MKX: variants seen among roughly 807,000 people sequenced by gnomAD.
MKX encodes homeobox protein Mohawk.
MKX carries 13 observed loss-of-function variants against 36.0 expected under a neutral mutation model. The ratio of observed to expected loss-of-function variants is 0.36; its 90% CI spans 0.24 to 0.57. The LOEUF is 0.57. MKX is among the 20% of genes least tolerant of loss of function. The probability of loss-of-function intolerance (pLI) is 0.79; values close to 1 mark genes in which losing one functional copy is unlikely to be tolerated. For synonymous variants in MKX, 176 were observed against 178.3 expected (o/e 0.99, Z 0.10); for missense variants, 458 against 456.4 (o/e 1.00, Z -0.03).
intron 5 of MKX, among the ~76,000 whole-genome samples, chr10:27,719,950 C>T (rs1039711759): frequency 6.9e-6 from 1 of 144,916 alleles, no homozygotes; most frequent in Non-Finnish European, 1.5e-5. Context: ...GATTGTGCCA[C>T]TGCACTCCAG....
At chr10:27,694,442 A>G (rs1175206008) in intron 5 of MKX, among the ~76,000 whole-genome samples, 3 of 150,780 alleles carry the variant, frequency 2.0e-5, no homozygotes, top group African/African-American at 7.3e-5. Flanking sequence ...GCACTTTGGG[A>G]GGCTGAGGCA....
chr10:27,709,166 C>T (rs1024517130), intron 5 of MKX, among the ~76,000 whole-genome samples: 3 of 101,914 alleles, frequency 2.9e-5, no homozygotes, highest in African/African-American at 1.2e-4. Context: ...GAGACTCTGT[C>T]TCAAAAGAAA....
intron 3 of MKX, among the ~76,000 whole-genome samples, chr10:27,735,795 C>T (rs1292139165): frequency 1.3e-5 from 2 of 152,002 alleles, no homozygotes; most frequent in African/African-American, 4.8e-5. Context: ...TGAAGAAAGT[C>T]CAGAATAGGT....
At chr10:27,718,881 G>C (rs1834310527) in intron 5 of MKX, among the ~76,000 whole-genome samples, 1 of 152,020 alleles carries the variant, frequency 6.6e-6, no homozygotes, top group African/African-American at 2.4e-5. Flanking sequence ...AATTCCCACT[G>C]CTCCATTGTG....
At chr10:27,714,737 T>TA (rs1836933685) in intron 5 of MKX, among the ~76,000 whole-genome samples, 1 of 152,244 alleles carries the variant, frequency 6.6e-6, no homozygotes, top group African/African-American at 2.4e-5. Context: ...GAAGTTGACT[T>TA]ATGCTGTACA....
intron 4 of MKX, 84 bp downstream of exon 4, chr10:27,735,137 T>TGA (rs1834725405): frequency 1.5e-6 from 2 of 1,340,046 alleles, no homozygotes; most frequent in Admixed American, 5.2e-5. Context: ...TCATATTTTG[T>TGA]GAGAGCAACC....
At chr10:27,687,411 A>G (rs1836377080) in intron 5 of MKX, among the ~76,000 whole-genome samples, 1 of 152,208 alleles carries the variant, frequency 6.6e-6, no homozygotes, top group Non-Finnish European at 1.5e-5. Flanking sequence ...AATAACAACA[A>G]TAGGACATCT....
intron 5 of MKX, among the ~76,000 whole-genome samples, chr10:27,725,319 G>C (rs56787244): frequency 6.6e-6 from 1 of 152,190 alleles, no homozygotes; most frequent in African/African-American, 2.4e-5. Context: ...AGAGGAAAGA[G>C]AGAAAAAGTT....
At position 27,734,827 on chromosome 10, in the gene MKX, G is replaced by A. The variant is rs748888546; in HGVS notation, c.503-36C>T. ...ACAGTATCACTAAGTAGGGTGGTAT[G>A]CATACTTTCCCCCAGCCACCCAACT... On this transcript the variant is annotated intron_variant, in intron 4 of 6. Transcript: ENST00000419761. 8.5e-6 allele frequency: 12 copies of A among 1,416,842 alleles called. No individual in the cohort carries two copies. In the Admixed American group the frequency reaches 2.0e-4, roughly 24 times the overall value. 87.8% of individuals were successfully genotyped at this position (1,416,842 alleles called of 1,614,324 possible).
At chr10:27,711,461 TTCTTTC>T (rs1441756071) in intron 5 of MKX, among the ~76,000 whole-genome samples, 11 of 9,592 alleles carry the variant, frequency 1.1e-3, no homozygotes, top group African/African-American at 3.1e-3. Flanking sequence ...CTTTCTTTCT[TTCTTTC>T]TTTCTTTCTT....
At chr10:27,724,616 A>T (rs1251037459) in intron 5 of MKX, among the ~76,000 whole-genome samples, 1 of 152,036 alleles carries the variant, frequency 6.6e-6, no homozygotes, top group Non-Finnish European at 1.5e-5. Context: ...CATCCCTCAA[A>T]TTGTTTCTGG....
chr10:27,707,584 A>C (rs887316080), intron 5 of MKX, among the ~76,000 whole-genome samples: 1 of 152,192 alleles, frequency 6.6e-6, no homozygotes, highest in African/African-American at 2.4e-5. Flanking sequence ...GGGAGGTATT[A>C]ATAAAAGCAA....
chr10:27,693,910 T>C (rs917437526), intron 5 of MKX, among the ~76,000 whole-genome samples: 21 of 152,124 alleles, frequency 1.4e-4, no homozygotes, highest in Admixed American at 2.0e-4. Flanking sequence ...TGGGAGGTAA[T>C]TGAATCATGG....
rs1834931970 is a variant in MKX at position 27,742,694 on chromosome 10, C to T, written c.188+534G>A. Among the ~76,000 whole-genome samples, 1 of 151,800 alleles carries T rather than the reference C, an allele frequency of 6.6e-6. No individual in the cohort carries two copies. The highest frequency in any genetic ancestry group is 2.4e-5 in the African/African-American group (1 of 41,380). Reference sequence around the variant, plus strand: ...CCCGGGGCCTCCCCCTCCGGGTTCGCCGCGGGCCCAGCCGAGCCGCGCTCA... The same window carrying T: ...CCCGGGGCCTCCCCCTCCGGGTTCGTCGCGGGCCCAGCCGAGCCGCGCTCA... On this transcript the variant is annotated intron_variant, in intron 2 of 6. Coordinates refer to ENST00000419761, the MANE Select transcript of MKX (RefSeq NM_173576.3). The surrounding 1 kb of genome is among the most constrained non-coding windows in gnomAD (Gnocchi z 4.2).
intron 5 of MKX, among the ~76,000 whole-genome samples, chr10:27,724,945 C>A (rs538547490): frequency 2.8e-4 from 42 of 152,184 alleles, no homozygotes; most frequent in Admixed American, 1.6e-3. Context: ...CCTTTCCACT[C>A]TAGCTATTAA....
rs755161075 is a variant in MKX, at chr10:27,743,463, T to C, written c.-48A>G. 1 of 1,472,298 alleles carries C rather than the reference T, an allele frequency of 6.8e-7. No homozygotes were observed. The highest frequency in any genetic ancestry group is 1.5e-5 in the African/African-American group (1 of 67,248). The allele number at this position is 1,472,298 out of a possible 1,614,324, so 91.2% of individuals were successfully genotyped here. On this transcript the variant is annotated 5_prime_UTR_variant, in exon 2 of 7. Coordinates refer to ENST00000419761, the MANE Select transcript of MKX (RefSeq NM_173576.3). Reference sequence around the variant, plus strand: ...CGGCGCGGCCGCAGAGCCTCGGGGCTGGGCCGCCGGGAGCTCCGCAGCGGG... The same window carrying C: ...CGGCGCGGCCGCAGAGCCTCGGGGCCGGGCCGCCGGGAGCTCCGCAGCGGG...
At chr10:27,691,970 T>A (rs1456244384) in intron 5 of MKX, among the ~76,000 whole-genome samples, 1 of 152,184 alleles carries the variant, frequency 6.6e-6, no homozygotes, top group Non-Finnish European at 1.5e-5. Flanking sequence ...GACATCTGGG[T>A]TATTTAATGT....
At chr10:27,681,310 G>A (rs1472043478) in intron 5 of MKX, among the ~76,000 whole-genome samples, 9 of 152,134 alleles carry the variant, frequency 5.9e-5, no homozygotes, top group East Asian at 5.8e-4. Flanking sequence ...TTAGCCAGGC[G>A]TGGTGGTGCA....
intron 5 of MKX, among the ~76,000 whole-genome samples, chr10:27,733,610 A>C (rs1056219024): frequency 6.6e-6 from 1 of 152,126 alleles, no homozygotes; most frequent in African/African-American, 2.4e-5. Context: ...TTCTGAGGTT[A>C]TTTCCAGCTC....
Sources: gnomAD v4.1 joint callset for allele counts (sites outside exome capture counted in the v4.1 genomes callset) on GRCh38, gnomAD v4.1.1 for gene constraint, Gnocchi (gnomAD v3.1) non-coding constraint, MANE v1.5 for transcripts, NCBI Gene and HGNC (gene_info 2026-07-23, HGNC 2026-07-21) for gene names.